Variants in FBN1 observed in about 807,000 individuals in gnomAD.
FBN1 encodes fibrillin 1.
In FBN1, 29 loss-of-function variants were observed where a neutral mutation model predicts 365.1. The observed-to-expected ratio is 0.08, with a 90% CI of 0.06 to 0.11. The LOEUF is 0.11. Among genes scored for constraint, FBN1 ranks in the 10% least tolerant of loss-of-function variants. The probability of loss-of-function intolerance (pLI) is 1.00; values close to 1 mark genes in which losing one functional copy is unlikely to be tolerated. For missense variants in FBN1, 2,476 were observed against 3,703.2 expected (o/e 0.67, Z 8.60); for synonymous variants, 1,210 against 1,270.5 (o/e 0.95, Z 1.01).
At position 48,468,548 on chromosome 15, in the gene FBN1, G is replaced by A; in HGVS notation, c.4460-14C>T. On this transcript the variant is annotated splice_polypyrimidine_tract_variant and intron_variant, in intron 36 of 65. Transcript: ENST00000316623. ...ATTCATTCACATCTAAAACCGAACA[G>A]TGAGTAGTGGAGTTATCACCTGAGC... 1.9e-6 allele frequency: 3 copies of A among 1,613,948 alleles called. No individual in the cohort carries two copies. Among genetic ancestry groups the A allele is most frequent in the Admixed American group, 1.7e-5 (1 of 60,020 alleles).
At chr15:48,469,785 C>T (rs956067721) in intron 36 of FBN1, among the ~76,000 whole-genome samples, 10 of 151,982 alleles carry the variant, frequency 6.6e-5, no homozygotes, top group Admixed American at 6.6e-4. Flanking sequence ...AGGGGGACTT[C>T]CTGAGGCATG....
intron 45 of FBN1, among the ~76,000 whole-genome samples, chr15:48,450,161 G>A (rs1048199535): frequency 6.6e-6 from 1 of 152,172 alleles, no homozygotes; most frequent in African/African-American, 2.4e-5. Context: ...ATAGGCAGAG[G>A]AGACTGATTT....
chr15:48,510,216 TA>T, intron 13 of FBN1, 47 bp from the exon 14 acceptor site: 1 of 1,597,312 alleles, frequency 6.3e-7, no homozygotes, highest in African/African-American at 1.3e-5. Flanking sequence ...TTAGGGGAGT[TA>T]AAATTATTTT....
Position 48,465,576 on chromosome 15 carries a change from A to T in FBN1, c.4934T>A (p.Val1645Glu). The T allele has an allele frequency of 6.2e-7, 1 of 1,613,798 alleles. No homozygotes were observed. The highest frequency in any genetic ancestry group is 8.5e-7 in the Non-Finnish European group (1 of 1,179,900). ...CTACCAGGACCATTTACCATCACAC[A>T]CTCGTGTATCTTCATTCAGGTAGTA... Reference protein sequence around the residue: ...TGYYLNEDTRVCDDVNECETP... With the variant: ...TGYYLNEDTRECDDVNECETP... The change falls in exon 40 of 66, where the codon GTG becomes GAG. Residue 1645 changes from valine (V) to glutamate (E), a missense_variant. Transcript: ENST00000316623.
chr15:48,602,454 T>C (rs1049945733), intron 4 of FBN1, among the ~76,000 whole-genome samples: 4 of 152,324 alleles, frequency 2.6e-5, no homozygotes, highest in East Asian at 3.9e-4. Flanking sequence ...TATAAAACTG[T>C]GCTAAATTAA....
At chr15:48,557,227 G>C (rs1187978985) in intron 6 of FBN1, among the ~76,000 whole-genome samples, 1 of 152,144 alleles carries the variant, frequency 6.6e-6, no homozygotes, top group Non-Finnish European at 1.5e-5. Flanking sequence ...GGTTTTTAGA[G>C]AACAGCTCGT....
intron 63 of FBN1, 142 bp downstream of exon 63, chr15:48,420,545 C>A: frequency 9.7e-7 from 1 of 1,035,834 alleles, no homozygotes; most frequent in Non-Finnish European, 1.5e-6. Flanking sequence ...TGTTACTTAC[C>A]TCGGGTTTCA....
chr15:48,500,099 G>C (rs887619494), intron 17 of FBN1, among the ~76,000 whole-genome samples: 3 of 152,134 alleles, frequency 2.0e-5, no homozygotes, highest in African/African-American at 7.2e-5. Flanking sequence ...ATCTTAGAAG[G>C]GGTCAAAAAA....
chr15:48,479,388 T>C (rs909192937), intron 32 of FBN1, among the ~76,000 whole-genome samples: 1 of 152,182 alleles, frequency 6.6e-6, no homozygotes, highest in South Asian at 2.1e-4. Context: ...CCTGGTGATT[T>C]GTTCAAGATC....
At position 48,495,460 on chromosome 15, in the gene FBN1, G is replaced by A. The variant is rs765271763; in HGVS notation, c.2539+9C>T. The A allele has an allele frequency of 1.2e-6, 2 of 1,613,192 alleles. No individual in the cohort carries two copies. The highest frequency in any genetic ancestry group is 1.7e-6 in the Non-Finnish European group (2 of 1,179,752). On this transcript the variant is annotated intron_variant, in intron 21 of 65. Coordinates refer to ENST00000316623, the MANE Select transcript of FBN1 (RefSeq NM_000138.5). ...AACATAGAAAAATCATTCTCAGAAA[G>A]ATAAATACCTATGCAGATGGTTTTT...
intron 8 of FBN1, among the ~76,000 whole-genome samples, chr15:48,526,523 C>T (rs1283373428): frequency 6.6e-6 from 1 of 152,214 alleles, no homozygotes. Context: ...ACTGTTGTTT[C>T]ACCAAGTAAC....
chr15:48,643,292 T>C (rs1215894915), intron 2 of FBN1: 2 of 152,238 alleles, frequency 1.3e-5, no homozygotes, highest in Non-Finnish European at 2.9e-5. Flanking sequence ...TTTACCATGA[T>C]AAGCAAACTT....
rs1228351259 is a variant in FBN1, at chr15:48,644,774, C to A, written c.-5G>T. ...CAGCAGACGCCCTCGACGCATGATG[C>A]CGAGCCGCCACCGGCTCCCGCCGCC... is the stretch of plus-strand genomic sequence containing the variant. On this transcript the variant is annotated 5_prime_UTR_variant, in exon 2 of 66. Transcript: ENST00000316623. 6.2e-7 allele frequency: 1 copy of A among 1,606,110 alleles called. No homozygotes were observed. The highest frequency in any genetic ancestry group is 8.5e-7 in the Non-Finnish European group (1 of 1,179,244).
chr15:48,628,153 G>A (rs1241240414), intron 2 of FBN1, among the ~76,000 whole-genome samples: 2 of 152,138 alleles, frequency 1.3e-5, no homozygotes, highest in African/African-American at 2.4e-5. Flanking sequence ...ACATGCGCAC[G>A]TATCATCCCC....
chr15:48,540,789 T>A (rs2044052192), intron 6 of FBN1, among the ~76,000 whole-genome samples: 1 of 152,186 alleles, frequency 6.6e-6, no homozygotes, highest in Admixed American at 6.5e-5. Flanking sequence ...CAAGTGCAAA[T>A]GCTTTAATCA....
chr15:48,496,318 G>A (rs1052818415), intron 19 of FBN1, 93 bp from the exon 20 acceptor site: 14 of 1,526,006 alleles, frequency 9.2e-6, no homozygotes, highest in Admixed American at 8.5e-5. Flanking sequence ...AAGTCATAAC[G>A]ACGTGATCAA....
chr15:48,516,227 G>A lies in FBN1; in HGVS notation c.1283C>T (p.Pro428Leu). 6.2e-7 allele frequency: 1 copy of A among 1,613,936 alleles called. No individual in the cohort carries two copies. The highest frequency in any genetic ancestry group is 8.5e-7 in the Non-Finnish European group (1 of 1,179,926). ...GFPPGPQIPV[P>L]RPPVEYLYPS... is the part of the protein sequence containing the mutation. Reference sequence around the variant, plus strand: ...ATACAGATATTCCACTGGTGGTCGAGGGACCGGAATTTGAGGTCCAGGAGG... The same window carrying A: ...ATACAGATATTCCACTGGTGGTCGAAGGACCGGAATTTGAGGTCCAGGAGG... Residue 428 changes from proline (P) to leucine (L), a missense_variant, in exon 11 of 66, where the codon CCT (proline) becomes CTT (leucine). By Grantham distance (98) the Pro-to-Leu change is moderately conservative (BLOSUM62 -3). Around this residue, in one of 5 missense-constraint regions of FBN1, gnomAD observed 421 missense variants for 520.1 expected, o/e 0.81. Transcript: ENST00000316623.
chr15:48,645,251 C>T (rs994811439), intron 1 of FBN1, among the ~76,000 whole-genome samples: 2 of 152,156 alleles, frequency 1.3e-5, no homozygotes, highest in African/African-American at 4.8e-5. Flanking sequence ...TTTAGCGGCA[C>T]GAATTGCGCG....
At chr15:48,415,802 C>T in intron 63 of FBN1, 35 bp from the exon 64 acceptor site, 1 of 1,558,088 alleles carries the variant, frequency 6.4e-7, no homozygotes, top group Non-Finnish European at 8.9e-7. Flanking sequence ...TGTGTGGCAG[C>T]AGCCAGAGAT....
Sources: gnomAD v4.1 joint callset for allele counts (sites outside exome capture counted in the v4.1 genomes callset) on GRCh38, gnomAD v4.1.1 for gene constraint, gnomAD v4.1.1 regional missense constraint, MANE v1.5 for transcripts, NCBI Gene and HGNC (gene_info 2026-07-23, HGNC 2026-07-21) for gene names.